The following CERS4 variants were observed in gnomAD, a reference collection of about 807,000 sequenced individuals.
CERS4 encodes ceramide synthase 4.
A neutral mutation model predicts 51.8 loss-of-function variants in CERS4; 65 were observed. The ratio of observed to expected loss-of-function variants is 1.26; its 90% CI spans 1.03 to 1.54. The LOEUF (loss-of-function observed/expected upper bound fraction) is 1.54, where lower values mean the gene tolerates loss of function less well. CERS4 is among the 40% of genes most tolerant of loss of function. The probability of loss-of-function intolerance (pLI) is 0.00; values close to 1 mark genes in which losing one functional copy is unlikely to be tolerated. For missense variants in CERS4, 563 were observed against 500.4 expected (o/e 1.13, Z -1.19); for synonymous variants, 228 against 208.4 (o/e 1.09, Z -0.81).
chr19:8,213,708 G>A (rs113350839), intron 2 of CERS4, among the ~76,000 whole-genome samples: 4,379 of 152,212 alleles, frequency 0.029, 237 homozygotes, highest in East Asian at 0.19. Flanking sequence ...GCTCACGCCT[G>A]TAATCCCAGC....
Position 8,255,876 on chromosome 19 carries a change from C to T in CERS4, c.465C>T (p.Tyr155=). Reference sequence around the variant, plus strand: ...TCGTGGGCGGCCTCTCGGTCCTGTACCACGTGAGTATACCAGAGTATAGCT... The same window carrying T: ...TCGTGGGCGGCCTCTCGGTCCTGTATCACGTGAGTATACCAGAGTATAGCT... ...SSFVGGLSVL[Y]HESWLWAPVM... Residue 155 remains tyrosine (Y), a synonymous_variant, in exon 6 of 12, where the codon TAC becomes TAT. Transcript: ENST00000251363. The T allele has an allele frequency of 1.2e-6, 2 of 1,613,822 alleles. No individual in the cohort carries two copies. Among genetic ancestry groups the T allele is most frequent in the Non-Finnish European group, 1.7e-6 (2 of 1,179,976 alleles).
At position 8,256,300 on chromosome 19, in the gene CERS4, T is replaced by C; in HGVS notation, c.519+14T>C. Reference sequence around the variant, plus strand: ...TACCCAAACCAGGTGAGTGGCAGAGTGTGTGTGAATGCTTGGAGGGTGAGG... The same window carrying C: ...TACCCAAACCAGGTGAGTGGCAGAGCGTGTGTGAATGCTTGGAGGGTGAGG... On this transcript the variant is annotated intron_variant, in intron 7 of 11. Coordinates refer to ENST00000251363, the MANE Select transcript of CERS4 (RefSeq NM_024552.3). 2 of 1,612,534 alleles carry C rather than the reference T, an allele frequency of 1.2e-6. No individual in the cohort carries two copies. Among genetic ancestry groups the C allele is most frequent in the Non-Finnish European group, 1.7e-6 (2 of 1,179,416 alleles).
chr19:8,256,497 GA>G, intron 7 of CERS4, 120 bp from the exon 8 acceptor site: 1 of 1,049,688 alleles, frequency 9.5e-7, no homozygotes, highest in Admixed American at 2.4e-5. Context: ...CAGGGATGGG[GA>G]GCTCACTCAT....
intron 2 of CERS4, among the ~76,000 whole-genome samples, chr19:8,234,325 T>A (rs544678547): frequency 1.3e-5 from 2 of 151,796 alleles, no homozygotes; most frequent in East Asian, 3.9e-4. Context: ...AATAAGACAG[T>A]CTCCCTCTGT....
chr19:8,237,849 TCAAAA>T (rs745834059), intron 2 of CERS4, among the ~76,000 whole-genome samples: 31 of 152,296 alleles, frequency 2.0e-4, no homozygotes, highest in Middle Eastern at 3.4e-3. Flanking sequence ...AGACTCCGTG[TCAAAA>T]CAAAACAAAA....
Position 8,256,216 on chromosome 19 carries a change from T to A in CERS4, c.469-20T>A, listed in dbSNP as rs777909685. 6.2e-7 allele frequency: 1 copy of A among 1,607,752 alleles called. No homozygotes were observed. Among genetic ancestry groups the A allele is most frequent in the South Asian group, 1.1e-5 (1 of 89,720 alleles). On this transcript the variant is annotated intron_variant, in intron 6 of 11. Coordinates refer to ENST00000251363, the MANE Select transcript of CERS4 (RefSeq NM_024552.3). ...GTTGGATTCTCACCTCTGCACAGCC[T>A]GACACCCATTTCCCTGCAGGAGTCA...
At chr19:8,250,067 C>T (rs1010177092) in intron 2 of CERS4, among the ~76,000 whole-genome samples, 2 of 151,938 alleles carry the variant, frequency 1.3e-5, no homozygotes, top group African/African-American at 2.4e-5. Context: ...CTCCTCCTCC[C>T]GGGTTCAAGC....
chr19:8,224,840 G>T (rs1967719468), intron 2 of CERS4, among the ~76,000 whole-genome samples: 1 of 152,150 alleles, frequency 6.6e-6, no homozygotes, highest in Admixed American at 6.6e-5. Context: ...TGCCGAGAGG[G>T]TGTGAGATGG....
intron 2 of CERS4, among the ~76,000 whole-genome samples, chr19:8,224,148 C>T (rs1967682512): frequency 6.8e-6 from 1 of 146,510 alleles, no homozygotes; most frequent in African/African-American, 2.5e-5. Context: ...GTGGCCCATG[C>T]CTGTAATCCC....
At position 8,210,207 on chromosome 19, in the gene CERS4, G is replaced by T. The variant is rs1967029948; in HGVS notation, c.-158-499G>T. Among the ~76,000 whole-genome samples the T allele has an allele frequency of 6.6e-6, 1 of 152,184 alleles. No individual in the cohort carries two copies. The highest frequency in any genetic ancestry group is 1.5e-5 in the Non-Finnish European group (1 of 68,042). On this transcript the variant is annotated intron_variant, in intron 1 of 11. Transcript: ENST00000251363. This position sits in a 1 kb window ranked among gnomAD's most constrained non-coding sequence, Gnocchi z 4.2. The stretch of plus-strand genomic sequence containing the variant: ...GAACAGCAGGTGCATGGCGTGATCG[G>T]ATTGTGTCTTAAGAACATCCCGTAG...
intron 3 of CERS4, among the ~76,000 whole-genome samples, chr19:8,251,770 C>T (rs1346816502): frequency 6.6e-6 from 1 of 150,962 alleles, no homozygotes; most frequent in Non-Finnish European, 1.5e-5. Flanking sequence ...TGCCGCTGCA[C>T]TCCAGCCTCG....
At chr19:8,225,417 CTT>C (rs35365775) in intron 2 of CERS4, among the ~76,000 whole-genome samples, 5,126 of 113,848 alleles carry the variant, frequency 0.045, 87 homozygotes, top group South Asian at 0.061. Context: ...TCCAATAATT[CTT>C]TTTTTTTTTT....
rs1969338813 is a variant in CERS4, at chr19:8,255,705, C to T, written c.390C>T (p.Thr130=). The T allele has an allele frequency of 6.2e-7, 1 of 1,600,982 alleles. No homozygotes were observed. Among genetic ancestry groups the T allele is most frequent in the African/African-American group, 1.3e-5 (1 of 74,216 alleles). ...RRRNQDRPQL[T]KKFCEASWRF... is the part of the protein sequence containing the mutation. ...GGAACCAGGATCGACCCCAGCTGACCAAGAAGTTCTGTGAGGCCAGGTAAG... is the reference window on the plus strand; with the variant it reads ...GGAACCAGGATCGACCCCAGCTGACTAAGAAGTTCTGTGAGGCCAGGTAAG... The change falls in exon 5 of 12, where the codon ACC becomes ACT. Residue 130 remains threonine (T), a synonymous_variant. Coordinates refer to ENST00000251363, the MANE Select transcript of CERS4 (RefSeq NM_024552.3).
At chr19:8,247,107 A>C (rs901224801) in intron 2 of CERS4, among the ~76,000 whole-genome samples, 5 of 152,204 alleles carry the variant, frequency 3.3e-5, no homozygotes, top group Non-Finnish European at 4.4e-5. Context: ...TGGAGGTTGC[A>C]GTGAGCTGAG....
At chr19:8,238,382 G>C (rs999632833) in intron 2 of CERS4, among the ~76,000 whole-genome samples, 4 of 152,126 alleles carry the variant, frequency 2.6e-5, no homozygotes, top group Non-Finnish European at 5.9e-5. Context: ...TCCAGGACTT[G>C]AAAGGCAAGT....
Position 8,210,889 on chromosome 19 carries a change from T to A in CERS4, c.-2+27T>A. The A allele has an allele frequency of 6.7e-6, 1 of 148,842 alleles. No homozygotes were observed. The allele number at this position is 148,842 out of a possible 1,614,324, so 9.2% of individuals were successfully genotyped here. A position where few individuals can be genotyped will look rare whatever the true frequency, so the allele number is the denominator to read the frequency against. The stretch of plus-strand genomic sequence containing the variant: ...TACTTTGAGCCTGGGGTGTGGGGGG[T>A]GGGGGGCGGCCTTGGTCGTTGAACT... On this transcript the variant is annotated intron_variant, in intron 2 of 11. Coordinates refer to ENST00000251363, the MANE Select transcript of CERS4 (RefSeq NM_024552.3). This position sits in a 1 kb window ranked among gnomAD's most constrained non-coding sequence, Gnocchi z 4.2.
intron 2 of CERS4, among the ~76,000 whole-genome samples, chr19:8,245,916 A>G (rs1433515266): frequency 6.7e-6 from 1 of 150,234 alleles, no homozygotes; most frequent in Non-Finnish European, 1.5e-5. Flanking sequence ...AAAAAAAAAA[A>G]AAAAAAAAAA....
At chr19:8,225,800 G>A (rs942734598) in intron 2 of CERS4, among the ~76,000 whole-genome samples, 1 of 152,128 alleles carries the variant, frequency 6.6e-6, no homozygotes, top group Non-Finnish European at 1.5e-5. Context: ...AATGCCTGGT[G>A]CCACAGAGCT....
intron 2 of CERS4, among the ~76,000 whole-genome samples, chr19:8,221,847 C>T (rs1420094162): frequency 7.7e-6 from 1 of 129,530 alleles, no homozygotes; most frequent in Non-Finnish European, 1.7e-5. Flanking sequence ...TTTATATTTA[C>T]TTACTGACTT....
Sources: allele counts gnomAD v4.1 joint callset (sites outside exome capture counted in the v4.1 genomes callset), GRCh38; gene constraint gnomAD v4.1.1; non-coding constraint Gnocchi (gnomAD v3.1); transcripts MANE v1.5; gene names NCBI Gene and HGNC (gene_info 2026-07-23, HGNC 2026-07-21).